Variants in STN1 observed in about 807,000 individuals in gnomAD.
The protein encoded by STN1 is STN1 subunit of CST complex, also known as CST complex subunit STN1.
A neutral mutation model predicts 45.5 loss-of-function variants in STN1; 29 were observed. The observed-to-expected ratio is 0.64, with a 90% confidence interval of 0.47 to 0.87. The LOEUF (loss-of-function observed/expected upper bound fraction) is 0.87. Among genes scored for constraint, STN1 ranks in the 40% least tolerant of loss-of-function variants. The probability of loss-of-function intolerance (pLI) is 0.00; values close to 1 mark genes in which losing one functional copy is unlikely to be tolerated. For missense variants in STN1, 376 were observed against 441.4 expected (o/e 0.85, Z 1.33); for synonymous variants, 148 against 159.0 (o/e 0.93, Z 0.52).
intron 2 of STN1, among the ~76,000 whole-genome samples, chr10:103,912,523 C>G (rs1843298778): frequency 6.6e-6 from 1 of 152,196 alleles, no homozygotes; most frequent in Non-Finnish European, 1.5e-5. Context: ...TAGTCAAGGG[C>G]AGGCTTCCTT....
At chr10:103,886,637 C>T (rs35223321) in intron 9 of STN1, among the ~76,000 whole-genome samples, 67,499 of 151,918 alleles carry the variant, frequency 0.44, 15,703 homozygotes, top group Admixed American at 0.5. Flanking sequence ...AGCCTTCAGG[C>T]CTGCAGGCTA....
chr10:103,908,886 TA>T (rs1162967391), intron 3 of STN1, among the ~76,000 whole-genome samples: 1 of 111,398 alleles, frequency 9.0e-6, no homozygotes, highest in Non-Finnish European at 2.0e-5. Flanking sequence ...CAAATGCAGT[TA>T]ATTTTTTTTT....
At chr10:103,885,875 G>A (rs1424083364) in intron 9 of STN1, among the ~76,000 whole-genome samples, 2 of 152,188 alleles carry the variant, frequency 1.3e-5, no homozygotes, top group East Asian at 1.9e-4. Flanking sequence ...GGATCACTAT[G>A]AGCGGTGATA....
At chr10:103,904,981 T>C (rs759012039) in intron 4 of STN1, 110 bp downstream of exon 4, 2 of 933,512 alleles carry the variant, frequency 2.1e-6, no homozygotes, top group Non-Finnish European at 3.5e-6. Flanking sequence ...TCAATGTAAC[T>C]CACCAGCAGA....
At chr10:103,889,531 T>C (rs550497259) in intron 8 of STN1, among the ~76,000 whole-genome samples, 10 of 150,628 alleles carry the variant, frequency 6.6e-5, no homozygotes, top group Non-Finnish European at 1.2e-4. Flanking sequence ...ACCTGTCTTG[T>C]GTTGCATCAG....
chr10:103,894,107 A>G (rs1217762226), intron 7 of STN1, among the ~76,000 whole-genome samples: 1 of 152,238 alleles, frequency 6.6e-6, no homozygotes, highest in Non-Finnish European at 1.5e-5. Flanking sequence ...GAGTGCTCTT[A>G]GGGGATGCAC....
intron 7 of STN1, among the ~76,000 whole-genome samples, chr10:103,893,372 G>A (rs956014229): frequency 6.6e-6 from 1 of 152,120 alleles, no homozygotes; most frequent in Admixed American, 6.5e-5. Context: ...GTTTCACCAT[G>A]TTAGCCAGGA....
At position 103,909,390 on chromosome 10, in the gene STN1, G is replaced by GTATA. The variant is rs370925665; in HGVS notation, c.229+1133_229+1136dup. Among the ~76,000 whole-genome samples the GTATA allele has an allele frequency of 3.0e-3, 192 of 64,174 alleles. 7 individuals are homozygous for GTATA. The highest frequency in any genetic ancestry group is 7.9e-3 in the South Asian group (18 of 2,266). The allele number at this position is 64,174 out of a possible 152,430, so 42.1% of individuals were successfully genotyped here. ...AATATATATATATATGTATATATAT[G>GTATA]TATATATGTATATATATGTATATAT... is the stretch of plus-strand genomic sequence containing the variant. On this transcript the variant is annotated intron_variant, in intron 3 of 9. Transcript: ENST00000224950.
At position 103,900,168 on chromosome 10, in the gene STN1, T is replaced by C. The variant is rs1050732841; in HGVS notation, c.351A>G (p.Gln117=). 2 of 1,614,090 alleles carry C rather than the reference T, an allele frequency of 1.2e-6. No homozygotes were observed. Among genetic ancestry groups the C allele is most frequent in the African/African-American group, 2.7e-5 (2 of 74,932 alleles). Residue 117 remains glutamine, a synonymous_variant, in exon 5 of 10, where the codon CAA becomes CAG. Transcript: ENST00000224950. ...LSLTSQLKKL[Q]ETIEQKTKIE... ...TCTTTGTTTTCTGCTCAATGGTCTC[T>C]TGTAGCTTCTTAAGTTGTGAGGTTA...
chr10:103,892,101 GA>G (rs758586974), intron 8 of STN1, 28 bp downstream of exon 8: 46 of 1,541,138 alleles, frequency 3.0e-5, no homozygotes, highest in East Asian at 4.5e-5. Flanking sequence ...AAGCTACAAA[GA>G]AAAAAAGTTA....
At position 103,877,629 on chromosome 10, in the gene STN1, A is replaced by G. The variant is rs147788046; in HGVS notation, c.*5055T>C. On this transcript the variant is annotated 3_prime_UTR_variant, in exon 10 of 10. Coordinates refer to ENST00000224950, the MANE Select transcript of STN1 (RefSeq NM_024928.5). ...AGTAGAGGTTAACAGATGATAGTGC[A>G]AGTTCAATAGAAGTAGGGTGATTTA... 11 of 152,360 alleles carry G rather than the reference A, an allele frequency of 7.2e-5. No homozygotes were observed. Among genetic ancestry groups the G allele is most frequent in the African/African-American group, 2.6e-4 (11 of 41,586 alleles). 9.4% of individuals were successfully genotyped at this position (152,360 alleles called of 1,614,324 possible).
At chr10:103,905,313 TC>T (rs112682237) in intron 3 of STN1, among the ~76,000 whole-genome samples, 157 bp from the exon 4 acceptor site, 33 of 152,258 alleles carry the variant, frequency 2.2e-4, no homozygotes, top group Middle Eastern at 3.4e-3. Context: ...TGAAACAACC[TC>T]TCACTACATA....
chr10:103,893,522 G>A (rs1362806414), intron 7 of STN1, among the ~76,000 whole-genome samples: 1 of 152,202 alleles, frequency 6.6e-6, no homozygotes, highest in African/African-American at 2.4e-5. Context: ...AAAGATCAGA[G>A]TTCCAAACAA....
intron 1 of STN1, 76 bp from the exon 2 acceptor site, chr10:103,917,732 G>A: frequency 1.1e-6 from 1 of 940,918 alleles, no homozygotes; most frequent in Admixed American, 2.7e-5. Context: ...GCTGCTCCCA[G>A]GTGGGCGTCC....
chr10:103,885,199 C>T (rs530437033), intron 9 of STN1, among the ~76,000 whole-genome samples: 106 of 152,274 alleles, frequency 7.0e-4, no homozygotes, highest in African/African-American at 2.4e-3. Flanking sequence ...TAACTTAGTT[C>T]CTGCTCTAGA....
intron 7 of STN1, among the ~76,000 whole-genome samples, chr10:103,897,168 T>A (rs1326208848): frequency 6.6e-6 from 1 of 152,188 alleles, no homozygotes; most frequent in Non-Finnish European, 1.5e-5. Flanking sequence ...ACTTAAGTAA[T>A]TTTTTATTCT....
Position 103,889,071 on chromosome 10 carries a change from C to G in STN1, c.949+1G>C, listed in dbSNP as rs755596138. The G allele has an allele frequency of 5.0e-6, 8 of 1,608,454 alleles. No homozygotes were observed. The highest frequency in any genetic ancestry group is 6.8e-6 in the Non-Finnish European group (8 of 1,174,904). On this transcript the variant is annotated splice_donor_variant, in intron 9 of 9. Coordinates refer to ENST00000224950, the MANE Select transcript of STN1 (RefSeq NM_024928.5). LOFTEE classifies it high-confidence loss of function. ...CATCACTTGTACATTATACCACTTA[C>G]GATTTGGTTTCTGGCAGTCCTGCTG...
intron 3 of STN1, among the ~76,000 whole-genome samples, chr10:103,909,470 GTA>G (rs1564635097): frequency 1.9e-5 from 2 of 105,292 alleles, no homozygotes; most frequent in African/African-American, 8.4e-5. Context: ...GTATATATAT[GTA>G]TATATGTATA....
intron 9 of STN1, 44 bp downstream of exon 9, chr10:103,889,028 C>A (rs763987506): frequency 2.2e-6 from 3 of 1,368,296 alleles, no homozygotes; most frequent in Non-Finnish European, 3.1e-6. Flanking sequence ...GACAGTATCC[C>A]CTTCCAGGGC....
Sources: gnomAD v4.1 joint callset for allele counts (sites outside exome capture counted in the v4.1 genomes callset) on GRCh38, gnomAD v4.1.1 for gene constraint, MANE v1.5 for transcripts, NCBI Gene and HGNC (gene_info 2026-07-23, HGNC 2026-07-21) for gene names.